GP2: variants seen among roughly 807,000 people sequenced by gnomAD.
GP2 encodes pancreatic secretory granule membrane major glycoprotein GP2.
In GP2, 58 loss-of-function variants were observed where a neutral mutation model predicts 60.8. That is an observed-to-expected ratio of 0.95 (90% CI 0.77 to 1.19). The LOEUF is 1.19. GP2 is among the 50% of genes most tolerant of loss of function. GP2 has a pLI of 0.00. For synonymous variants in GP2, 280 were observed against 253.4 expected (o/e 1.10, Z -1.00); for missense variants, 647 against 667.4 (o/e 0.97, Z 0.34).
intron 8 of GP2, among the ~76,000 whole-genome samples, chr16:20,316,557 G>A (rs890747951): frequency 2.6e-5 from 4 of 152,176 alleles, no homozygotes; most frequent in African/African-American, 9.7e-5. Flanking sequence ...GGGTTGTTCT[G>A]AGACTTACAT....
chr16:20,326,323 G>T lies in GP2; in HGVS notation c.94+15C>A. On this transcript the variant is annotated intron_variant, in intron 2 of 10. Coordinates refer to ENST00000302555, the MANE Select transcript of GP2 (RefSeq NM_001502.4). ...TTCCTTGACATCTGAGATGCCAGGT[G>T]AGCAGAATACTTACCTCGCTGCACT... 1 of 1,611,994 alleles carries T rather than the reference G, an allele frequency of 6.2e-7. No individual in the cohort carries two copies. Among genetic ancestry groups the T allele is most frequent in the Non-Finnish European group, 8.5e-7 (1 of 1,178,126 alleles).
Position 20,326,454 on chromosome 16 carries a change from G to A in GP2, c.-23C>T, listed in dbSNP as rs764173287. 10 of 1,612,384 alleles carry A rather than the reference G, an allele frequency of 6.2e-6. No homozygotes were observed. The highest frequency in any genetic ancestry group is 5.0e-5 in the Admixed American group (3 of 59,932). ...CATGCAGGTCACTTTGCTGTATGCA[G>A]ACTTCCCATGCAGCTATGGGAAAGA... On this transcript the variant is annotated 5_prime_UTR_variant, in exon 2 of 11. Coordinates refer to ENST00000302555, the MANE Select transcript of GP2 (RefSeq NM_001502.4).
chr16:20,311,352 T>G, intron 10 of GP2, 71 bp from the exon 11 acceptor site: 1 of 905,846 alleles, frequency 1.1e-6, no homozygotes, highest in Non-Finnish European at 1.9e-6. Flanking sequence ...GTTGGCCTCT[T>G]TGTCTTTCAC....
In GP2 at chr16:20,324,064, A is replaced by G; in HGVS notation, c.287T>C (p.Val96Ala). The G allele has an allele frequency of 6.2e-7, 1 of 1,613,832 alleles. No individual in the cohort carries two copies. The highest frequency in any genetic ancestry group is 8.5e-7 in the Non-Finnish European group (1 of 1,179,742). Residue 96 changes from valine (V) to alanine (A), a missense_variant, in exon 3 of 11, where the codon GTA becomes GCA. Physicochemically the swap from Val to Ala is moderately conservative, Grantham distance 64. Coordinates refer to ENST00000302555, the MANE Select transcript of GP2 (RefSeq NM_001502.4). ...CGACATCCTTACTCCTCCTTCCCCT[A>G]CAAAGCGGTACCAGCCGCTCATGTT... ...DKNMSGWYRF[V>A]GEGGVRMSET...
intron 9 of GP2, among the ~76,000 whole-genome samples, chr16:20,315,441 T>C (rs973909744): frequency 6.6e-6 from 1 of 152,190 alleles, no homozygotes; most frequent in African/African-American, 2.4e-5. Context: ...GCCTCCCCTA[T>C]ATTATACTCC....
chr16:20,315,990 G>A lies in GP2; in HGVS notation c.1467C>T (p.Ala489=). The change falls in exon 9 of 11, where the codon GCC becomes GCT. Residue 489 remains alanine, a synonymous_variant. Coordinates refer to ENST00000302555, the MANE Select transcript of GP2 (RefSeq NM_001502.4). ...TGATGGGCCCCAAATCTAGAACCCG[G>A]GCTAGGTCGATGGCCGGTACTTCAC... ...VRSEVPAIDL[A]RVLDLGPITR... is the part of the protein sequence containing the mutation. 6.2e-7 allele frequency: 1 copy of A among 1,613,404 alleles called. No homozygotes were observed. The highest frequency in any genetic ancestry group is 8.5e-7 in the Non-Finnish European group (1 of 1,179,408).
In GP2 at chr16:20,324,242, T is replaced by C. The variant is rs1964463533; in HGVS notation, c.109A>G (p.Ile37Val). Residue 37 changes from isoleucine (I) to valine (V), a missense_variant, in exon 3 of 11, where the codon ATT becomes GTT. Transcript: ENST00000302555. ...TCCAGCCCATACGAACTGGCTTCAATGGGGTTTCCATAACCTGGGAAAGTG... is the reference window on the plus strand; with the variant it reads ...TCCAGCCCATACGAACTGGCTTCAACGGGGTTTCCATAACCTGGGAAAGTG... Reference protein sequence around the residue: ...SAVQRGYGNPIEASSYGLDLD... With the variant: ...SAVQRGYGNPVEASSYGLDLD... 1 of 1,598,646 alleles carries C rather than the reference T, an allele frequency of 6.3e-7. No homozygotes were observed. Among genetic ancestry groups the C allele is most frequent in the East Asian group, 2.2e-5 (1 of 44,566 alleles).
At position 20,324,110 on chromosome 16, in the gene GP2, C is replaced by G. The variant is rs1485700383; in HGVS notation, c.241G>C (p.Gly81Arg). The change falls in exon 3 of 11, where the codon GGG becomes CGG. Residue 81 changes from glycine to arginine, a missense_variant. Coordinates refer to ENST00000302555, the MANE Select transcript of GP2 (RefSeq NM_001502.4). ...ATGTTTTTATCGCACCCCTGGGACC[C>G]TGCTGAGTTCTCTGTGCTTCGGAAG... ...EPFRSTENSA[G>R]SQGCDKNMSG... 6.2e-7 allele frequency: 1 copy of G among 1,614,184 alleles called. No individual in the cohort carries two copies. Among genetic ancestry groups the G allele is most frequent in the Admixed American group, 1.7e-5 (1 of 60,034 alleles).
rs374919505 is a variant in GP2 at position 20,316,001 on chromosome 16, T to C, written c.1456A>G (p.Ile486Val). The C allele has an allele frequency of 8.7e-6, 14 of 1,613,482 alleles. No individual in the cohort carries two copies. Among genetic ancestry groups the C allele is most frequent in the Non-Finnish European group, 1.0e-5 (12 of 1,179,432 alleles). The change falls in exon 9 of 11, where the codon ATC becomes GTC. Residue 486 changes from isoleucine (I) to valine (V), a missense_variant. Physicochemically the swap from Ile to Val is conservative, Grantham distance 29 (BLOSUM62 3). Coordinates refer to ENST00000302555, the MANE Select transcript of GP2 (RefSeq NM_001502.4). ...RSQVRSEVPA[I>V]DLARVLDLGP... ...AAATCTAGAACCCGGGCTAGGTCGA[T>C]GGCCGGTACTTCACTGCGGACTTGA... is the stretch of plus-strand genomic sequence containing the variant.
At chr16:20,317,931 T>G (rs949224649) in intron 7 of GP2, among the ~76,000 whole-genome samples, 3 of 152,196 alleles carry the variant, frequency 2.0e-5, no homozygotes, top group African/African-American at 7.2e-5. Context: ...CCAAATTGAT[T>G]CCCTATTTTT....
intron 1 of GP2, 132 bp from the exon 2 acceptor site, chr16:20,326,599 T>C: frequency 1.4e-6 from 1 of 699,988 alleles, no homozygotes; most frequent in East Asian, 2.8e-5. Flanking sequence ...TAGAGCGAGA[T>C]AATGGGTGAT....
At position 20,310,047 on chromosome 16, in the gene GP2, C is replaced by T. The variant is rs978197328; in HGVS notation, c.*1176G>A. On this transcript the variant is annotated 3_prime_UTR_variant, in exon 11 of 11. Transcript: ENST00000302555. ...GTACACATGTCAGCATCTATATGCC[C>T]GTGAGTATTAATGCCTGTGTATGTG... 2 of 152,116 alleles carry T rather than the reference C, an allele frequency of 1.3e-5. No homozygotes were observed. Among genetic ancestry groups the T allele is most frequent in the African/African-American group, 4.8e-5 (2 of 41,388 alleles). The allele number at this position is 152,116 out of a possible 1,614,324, so 9.4% of individuals were successfully genotyped here. A position where few individuals can be genotyped will look rare whatever the true frequency, so the allele number is the denominator to read the frequency against.
Position 20,311,067 on chromosome 16 carries a change from A to G in GP2, c.*156T>C. On this transcript the variant is annotated 3_prime_UTR_variant, in exon 11 of 11. Transcript: ENST00000302555. ...CCACTGCGCCCAGCCGAGAGTTTTAAAGAAGGTGAAAGCTCTTCCCTTTTC... is the reference window on the plus strand; with the variant it reads ...CCACTGCGCCCAGCCGAGAGTTTTAGAGAAGGTGAAAGCTCTTCCCTTTTC... The G allele has an allele frequency of 1.8e-6, 1 of 563,670 alleles. No homozygotes were observed. Among genetic ancestry groups the G allele is most frequent in the Non-Finnish European group, 3.3e-6 (1 of 306,506 alleles). The allele number at this position is 563,670 out of a possible 1,614,324, so 34.9% of individuals were successfully genotyped here. A position where few individuals can be genotyped will look rare whatever the true frequency, so the allele number is the denominator to read the frequency against.
At chr16:20,315,101 A>G (rs1489113782) in intron 9 of GP2, among the ~76,000 whole-genome samples, 1 of 152,176 alleles carries the variant, frequency 6.6e-6, no homozygotes, top group Non-Finnish European at 1.5e-5. Context: ...CTTCAAGTTG[A>G]GAGCTCAGTG....
chr16:20,324,464 T>G (rs9941350), intron 2 of GP2, among the ~76,000 whole-genome samples: 59,003 of 152,096 alleles, frequency 0.39, 12,348 homozygotes, highest in Non-Finnish European at 0.46. Context: ...ATTGAGGACA[T>G]CAGGGCTACC....
rs568443003 is a variant in GP2 at position 20,324,114 on chromosome 16, T to C, written c.237A>G (p.Ser79=). The stretch of plus-strand genomic sequence containing the variant: ...TTTTATCGCACCCCTGGGACCCTGC[T>C]GAGTTCTCTGTGCTTCGGAAGGGTT... ...LDEPFRSTEN[S]AGSQGCDKNM... is the part of the protein sequence containing the mutation. The change falls in exon 3 of 11, where the codon TCA becomes TCG. Residue 79 remains serine, a synonymous_variant. Coordinates refer to ENST00000302555, the MANE Select transcript of GP2 (RefSeq NM_001502.4). 1.4e-5 allele frequency: 23 copies of C among 1,614,096 alleles called. No individual in the cohort carries two copies. In the South Asian group the frequency reaches 2.4e-4, roughly 17 times the overall value.
chr16:20,318,065 G>T, intron 7 of GP2, 120 bp downstream of exon 7: 1 of 782,146 alleles, frequency 1.3e-6, no homozygotes, highest in Non-Finnish European at 2.2e-6. Flanking sequence ...GATATTTCTG[G>T]GTCAAAGATT....
chr16:20,317,541 C>A (rs1964224145), intron 7 of GP2, among the ~76,000 whole-genome samples, 166 bp from the exon 8 acceptor site: 1 of 152,190 alleles, frequency 6.6e-6, no homozygotes, highest in Admixed American at 6.5e-5. Flanking sequence ...TTTGAGGGCA[C>A]AGTCTCTGGA....
intron 10 of GP2, 141 bp from the exon 11 acceptor site, chr16:20,311,422 A>T (rs185949660): frequency 1.3e-4 from 83 of 628,910 alleles, no homozygotes; most frequent in Admixed American, 3.3e-4. Context: ...AGTCTCTGGG[A>T]CTCACATGGT....
Sources: allele counts gnomAD v4.1 joint callset (sites outside exome capture counted in the v4.1 genomes callset), GRCh38; gene constraint gnomAD v4.1.1; transcripts MANE v1.5; gene names NCBI Gene and HGNC (gene_info 2026-07-23, HGNC 2026-07-21).